Variants in NBAS observed in about 807,000 individuals in gnomAD.
NBAS encodes the protein NAG/BC035112 fusion.
Under a neutral mutation model 302.5 loss-of-function variants are expected in NBAS, and 219 were observed. The ratio of observed to expected loss-of-function variants is 0.72; its 90% confidence interval spans 0.65 to 0.81. NBAS has a LOEUF of 0.81. Ranked by LOEUF, NBAS falls within the 30% of genes least tolerant of loss-of-function variation. The pLI is 0.00. For synonymous variants in NBAS, 1,118 were observed against 1,021.6 expected (o/e 1.09, Z -1.80); for missense variants, 2,932 against 2,841.6 (o/e 1.03, Z -0.72).
At chr2:14,847,566 G>A in the NBAS span, among the ~76,000 whole-genome samples, 1 of 150,508 alleles carries the variant, frequency 6.6e-6, no homozygotes, top group Non-Finnish European at 1.5e-5. Context: ...TGATAAAGGG[G>A]TCAATTCAGC....
At chr2:15,313,905 G>A (rs1162880696) in intron 38 of NBAS, among the ~76,000 whole-genome samples, 1 of 152,120 alleles carries the variant, frequency 6.6e-6, no homozygotes, top group Non-Finnish European at 1.5e-5. Context: ...CTCTTTCTAG[G>A]AAACTATGAC....
intron 42 of NBAS, among the ~76,000 whole-genome samples, chr2:15,277,701 A>C (rs887742833): frequency 2.0e-5 from 3 of 152,208 alleles, no homozygotes; most frequent in Non-Finnish European, 4.4e-5. Flanking sequence ...AATAAAACAC[A>C]TATCTTAATA....
the NBAS span, chr2:14,890,477 T>C: frequency 6.6e-6 from 1 of 152,210 alleles, no homozygotes; most frequent in Admixed American, 6.5e-5. Flanking sequence ...CTATGTATTA[T>C]CTATAAGAAT....
the NBAS span, among the ~76,000 whole-genome samples, chr2:15,099,947 A>G: frequency 6.6e-6 from 1 of 152,208 alleles, no homozygotes; most frequent in Non-Finnish European, 1.5e-5. Flanking sequence ...ATCTAGGGGG[A>G]AAATGACTAT....
chr2:15,293,082 C>T (rs1451811137), intron 40 of NBAS, among the ~76,000 whole-genome samples: 1 of 152,220 alleles, frequency 6.6e-6, no homozygotes, highest in Non-Finnish European at 1.5e-5. Flanking sequence ...TTATAAACCT[C>T]CATCAGATTT....
At chr2:15,119,440 C>T in the NBAS span, among the ~76,000 whole-genome samples, 1 of 151,792 alleles carries the variant, frequency 6.6e-6, no homozygotes, top group African/African-American at 2.4e-5. Context: ...TCCCAAGTTC[C>T]AGGGATTCTC....
intron 11 of NBAS, among the ~76,000 whole-genome samples, chr2:15,503,820 T>C (rs1490070162): frequency 6.6e-6 from 1 of 152,132 alleles, no homozygotes; most frequent in African/African-American, 2.4e-5. Context: ...ATTCACAAGA[T>C]TTGTAAAGAT....
chr2:15,534,677 T>A, intron 8 of NBAS, 36 bp from the exon 9 acceptor site: 2 of 1,421,180 alleles, frequency 1.4e-6, no homozygotes, highest in Non-Finnish European at 2.0e-6. Flanking sequence ...GTAAATACCA[T>A]TAAACCACAA....
chr2:15,328,048 T>C, intron 37 of NBAS, 151 bp downstream of exon 37: 2 of 1,142,690 alleles, frequency 1.8e-6, no homozygotes, highest in East Asian at 2.5e-5. Context: ...ATAATGGTCA[T>C]AATATATACC....
At chr2:14,851,361 C>T in the NBAS span, among the ~76,000 whole-genome samples, 3 of 151,926 alleles carry the variant, frequency 2.0e-5, no homozygotes, top group South Asian at 2.1e-4. Flanking sequence ...ACACATACAC[C>T]CTCCCAAGAC....
the NBAS span, among the ~76,000 whole-genome samples, chr2:14,869,897 C>T: frequency 6.6e-6 from 1 of 152,162 alleles, no homozygotes; most frequent in Non-Finnish European, 1.5e-5. Flanking sequence ...CTTTCCTTCC[C>T]TATGGGACTT....
intron 10 of NBAS, among the ~76,000 whole-genome samples, chr2:15,506,324 C>T (rs149337690): frequency 6.6e-6 from 1 of 152,182 alleles, no homozygotes; most frequent in East Asian, 1.9e-4. Context: ...AAAATTTAAA[C>T]TCAGCATGAT....
intron 9 of NBAS, among the ~76,000 whole-genome samples, chr2:15,518,690 G>A (rs543991623): frequency 4.6e-5 from 7 of 152,190 alleles, no homozygotes; most frequent in African/African-American, 1.7e-4. Context: ...CCATTTTCAC[G>A]CTGCTGATAA....
chr2:15,318,454 A>C (rs1671622560), intron 38 of NBAS, among the ~76,000 whole-genome samples: 1 of 152,226 alleles, frequency 6.6e-6, no homozygotes, highest in Non-Finnish European at 1.5e-5. Context: ...AGACTGGCAA[A>C]TTGGGTAAAG....
the NBAS span, among the ~76,000 whole-genome samples, chr2:15,051,083 G>A: frequency 1.2e-4 from 18 of 152,136 alleles, no homozygotes; most frequent in South Asian, 2.1e-3. Context: ...AAATTAATGG[G>A]GTCTCAATAA....
chr2:15,414,814 A>G (rs1466125198), intron 25 of NBAS, among the ~76,000 whole-genome samples: 1 of 152,056 alleles, frequency 6.6e-6, no homozygotes, highest in East Asian at 1.9e-4. Context: ...GCATGGTGGC[A>G]CATGCCTGTA....
chr2:15,028,647 C>G, the NBAS span, among the ~76,000 whole-genome samples: 1 of 152,152 alleles, frequency 6.6e-6, no homozygotes, highest in African/African-American at 2.4e-5. Flanking sequence ...TACAGTGTCT[C>G]TGTCCTCAAA....
the NBAS span, among the ~76,000 whole-genome samples, chr2:15,147,128 A>G: frequency 4.6e-5 from 7 of 152,258 alleles, no homozygotes; most frequent in South Asian, 1.2e-3. Flanking sequence ...GTAGCCCTAG[A>G]GGGCAGACCT....
chr2:14,835,721 A>AT, the NBAS span, among the ~76,000 whole-genome samples: 2 of 151,752 alleles, frequency 1.3e-5, no homozygotes, highest in Non-Finnish European at 2.9e-5. Flanking sequence ...ACATTTATTT[A>AT]TTTTTTTGTG....
Sources: allele counts gnomAD v4.1 joint callset (sites outside exome capture counted in the v4.1 genomes callset), GRCh38; gene constraint gnomAD v4.1.1; transcripts MANE v1.5; gene names NCBI Gene and HGNC (gene_info 2026-07-23, HGNC 2026-07-21).